The following LINGO2 variants were observed in gnomAD, a reference collection of about 807,000 sequenced individuals.
The protein encoded by LINGO2 is leucine rich repeat and Ig domain containing 2.
LINGO2 carries 14 observed loss-of-function variants against 30.6 expected under a neutral mutation model. The ratio of observed to expected loss-of-function variants is 0.46; its 90% CI spans 0.30 to 0.72. The LOEUF is 0.72. Ranked by LOEUF, LINGO2 falls within the 30% of genes least tolerant of loss-of-function variation. The pLI is 0.07. For synonymous variants in LINGO2, 317 were observed against 288.5 expected (o/e 1.10, Z -1.00); for missense variants, 729 against 751.7 (o/e 0.97, Z 0.35).
At chr9:28,583,086 TA>T (rs904448398) in intron 1 of LINGO2, among the ~76,000 whole-genome samples, 1 of 151,934 alleles carries the variant, frequency 6.6e-6, no homozygotes, top group Non-Finnish European at 1.5e-5. Context: ...TCAGTCAATA[TA>T]AAAAATGCTG....
chr9:28,547,588 T>C (rs891435543), intron 1 of LINGO2, among the ~76,000 whole-genome samples: 49 of 152,264 alleles, frequency 3.2e-4, no homozygotes, highest in African/African-American at 1.1e-3. Flanking sequence ...TATTTTCATT[T>C]GCCTTAAATG....
the LINGO2 span, among the ~76,000 whole-genome samples, chr9:29,201,440 C>T: frequency 7.6e-4 from 115 of 152,170 alleles, no homozygotes; most frequent in African/African-American, 2.6e-3. Context: ...GCTCAACAAT[C>T]ATCAATCCAG....
intron 2 of LINGO2, among the ~76,000 whole-genome samples, chr9:28,424,926 T>C (rs752811035): frequency 1.1e-4 from 17 of 152,208 alleles, no homozygotes; most frequent in Middle Eastern, 6.8e-3. Flanking sequence ...GATAAGTATA[T>C]TAATTTCTCA....
At chr9:28,568,094 C>T (rs1260083906) in intron 1 of LINGO2, among the ~76,000 whole-genome samples, 1 of 152,122 alleles carries the variant, frequency 6.6e-6, no homozygotes, top group Non-Finnish European at 1.5e-5. Context: ...GAGTTTTCTA[C>T]TCTCATCTCC....
intron 4 of LINGO2, among the ~76,000 whole-genome samples, chr9:28,146,740 C>G (rs1827823976): frequency 6.6e-6 from 1 of 152,160 alleles, no homozygotes; most frequent in African/African-American, 2.4e-5. Context: ...TTTAGGGCAT[C>G]ATGTGTGGTG....
the LINGO2 span, among the ~76,000 whole-genome samples, chr9:28,883,995 G>C: frequency 6.6e-6 from 1 of 151,584 alleles, no homozygotes; most frequent in African/African-American, 2.4e-5. Flanking sequence ...GTTATATTGT[G>C]TTTATTATAT....
intron 2 of LINGO2, among the ~76,000 whole-genome samples, chr9:28,437,223 T>A (rs1275554858): frequency 6.6e-6 from 1 of 152,170 alleles, no homozygotes; most frequent in African/African-American, 2.4e-5. Flanking sequence ...AGGCAAACAC[T>A]TTTCTTTCTT....
chr9:28,849,384 C>T, the LINGO2 span, among the ~76,000 whole-genome samples: 1 of 152,014 alleles, frequency 6.6e-6, no homozygotes, highest in Non-Finnish European at 1.5e-5. Flanking sequence ...ATAATATCAT[C>T]TGTTTCATCT....
intron 3 of LINGO2, among the ~76,000 whole-genome samples, chr9:28,347,984 A>G (rs191075895): frequency 4.8e-4 from 73 of 152,334 alleles, no homozygotes; most frequent in Non-Finnish European, 4.6e-4. Flanking sequence ...AAAGAATGTC[A>G]CTTATTTTCA....
In LINGO2 at chr9:28,243,617, CAACAAACA is replaced by C. The variant is rs372531716; in HGVS notation, c.-87+51583_-87+51590del. Among the ~76,000 whole-genome samples the C allele has an allele frequency of 6.7e-3, 1,015 of 151,172 alleles. 8 individuals carry two copies. The highest frequency in any genetic ancestry group is 0.023 in the African/African-American group (940 of 41,136). ...GAATATTTACCAAGCAAATGGAAAG[CAACAAACA>C]AACAAACAAACAAACAAAAAAACAA... is the stretch of plus-strand genomic sequence containing the variant. On this transcript the variant is annotated intron_variant, in intron 4 of 5. Coordinates refer to ENST00000379992, the Ensembl canonical transcript of LINGO2.
chr9:28,615,562 T>A (rs911946377), intron 1 of LINGO2, among the ~76,000 whole-genome samples: 1 of 152,080 alleles, frequency 6.6e-6, no homozygotes, highest in African/African-American at 2.4e-5. Flanking sequence ...TTATTATAAA[T>A]AATTAACAAC....
intron 4 of LINGO2, among the ~76,000 whole-genome samples, chr9:28,094,560 A>G (rs1017169259): frequency 3.3e-5 from 5 of 151,662 alleles, no homozygotes; most frequent in Admixed American, 1.3e-4. Flanking sequence ...TAAATATTTC[A>G]TTTTATTTAT....
chr9:29,088,994 C>CA, the LINGO2 span, among the ~76,000 whole-genome samples: 2 of 151,902 alleles, frequency 1.3e-5, no homozygotes, highest in Non-Finnish European at 2.9e-5. Context: ...CATCACCCTC[C>CA]AAAAAACAGA....
chr9:28,142,439 A>G (rs879454236), intron 4 of LINGO2, among the ~76,000 whole-genome samples: 19 of 152,196 alleles, frequency 1.2e-4, no homozygotes, highest in Admixed American at 1.2e-3. Flanking sequence ...TCACTTTTCT[A>G]TAAAAACTTC....
chr9:28,292,649 A>C (rs993520535), intron 4 of LINGO2, among the ~76,000 whole-genome samples: 3 of 151,926 alleles, frequency 2.0e-5, no homozygotes, highest in Non-Finnish European at 4.4e-5. Flanking sequence ...TTTTTAGTAG[A>C]GATGGGGTTT....
chr9:28,176,714 T>A (rs1435640327), intron 4 of LINGO2, among the ~76,000 whole-genome samples: 1 of 152,190 alleles, frequency 6.6e-6, no homozygotes, highest in Non-Finnish European at 1.5e-5. Context: ...ATATTTAGGA[T>A]CTGCTCAGCA....
At chr9:28,376,318 T>C (rs1171407315) in intron 2 of LINGO2, among the ~76,000 whole-genome samples, 1 of 152,142 alleles carries the variant, frequency 6.6e-6, no homozygotes, top group African/African-American at 2.4e-5. Context: ...TATTGTGAGC[T>C]TGAATAGCAG....
the LINGO2 span, among the ~76,000 whole-genome samples, chr9:29,200,575 T>C: frequency 6.6e-6 from 1 of 152,188 alleles, no homozygotes; most frequent in African/African-American, 2.4e-5. Context: ...TATAGAAAAA[T>C]TTCATAGCAC....
chr9:28,004,225 A>G (rs1475716587), intron 5 of LINGO2, among the ~76,000 whole-genome samples: 1 of 151,294 alleles, frequency 6.6e-6, no homozygotes, highest in East Asian at 1.9e-4. Context: ...ATTTCCCATG[A>G]TAAGTTTTTG....
Sources: allele counts gnomAD v4.1 joint callset (sites outside exome capture counted in the v4.1 genomes callset), GRCh38; gene constraint gnomAD v4.1.1; transcripts MANE v1.5; gene names NCBI Gene and HGNC (gene_info 2026-07-23, HGNC 2026-07-21).